Variants in FAT3 observed in about 807,000 individuals in gnomAD.
The protein encoded by FAT3 is protocadherin Fat 3.
Under a neutral mutation model 310.2 loss-of-function variants are expected in FAT3, and 95 were observed. The observed-to-expected ratio is 0.31, with a 90% confidence interval of 0.26 to 0.36. FAT3 has a LOEUF of 0.36. Among genes scored for constraint, FAT3 ranks in the 10% least tolerant of loss-of-function variants. The pLI is 1.00. For missense variants in FAT3, 5,408 were observed against 5,715.6 expected (o/e 0.95, Z 1.74); for synonymous variants, 2,314 against 2,192.9 (o/e 1.06, Z -1.54).
intron 13 of FAT3, among the ~76,000 whole-genome samples, chr11:92,812,054 G>A (rs143739970): frequency 1.1e-3 from 175 of 152,286 alleles, no homozygotes; most frequent in African/African-American, 3.9e-3. Flanking sequence ...AGTCTGAGCT[G>A]CAATCAAATG....
At chr11:92,250,942 G>A (rs1180210677) in intron 1 of FAT3, among the ~76,000 whole-genome samples, 3 of 152,094 alleles carry the variant, frequency 2.0e-5, no homozygotes, top group South Asian at 2.1e-4. Flanking sequence ...AATGACATCC[G>A]CTCTTACAAT....
chr11:92,566,268 A>C (rs939155832), intron 3 of FAT3, among the ~76,000 whole-genome samples: 2 of 152,210 alleles, frequency 1.3e-5, no homozygotes, highest in African/African-American at 4.8e-5. Flanking sequence ...CTAAATCATG[A>C]GTGAACTCCC....
At chr11:92,317,139 CTGAA>C (rs552801390) in intron 1 of FAT3, among the ~76,000 whole-genome samples, 4 of 152,210 alleles carry the variant, frequency 2.6e-5, no homozygotes, top group African/African-American at 7.2e-5. Context: ...AAAGGAAAGA[CTGAA>C]TGAATGAATG....
chr11:92,436,413 A>G (rs190128000), intron 2 of FAT3, among the ~76,000 whole-genome samples: 7 of 152,116 alleles, frequency 4.6e-5, no homozygotes, highest in Non-Finnish European at 7.4e-5. Flanking sequence ...AAATGCTGGG[A>G]TTACAGGCGT....
intron 3 of FAT3, among the ~76,000 whole-genome samples, chr11:92,564,479 G>A (rs10830928): frequency 0.39 from 57,477 of 149,020 alleles, 11,717 homozygotes; most frequent in Middle Eastern, 0.52. Context: ...ACAGATCAAC[G>A]AGACAGAAAG....
chr11:92,813,648 C>T (rs922185350), intron 13 of FAT3, among the ~76,000 whole-genome samples: 8 of 152,188 alleles, frequency 5.3e-5, no homozygotes, highest in Non-Finnish European at 1.2e-4. Context: ...TTCAAAAATG[C>T]TATTTAAGTT....
chr11:92,887,053 G>A lies in FAT3; in HGVS notation c.12991G>A (p.Gly4331Ser). The change falls in exon 25 of 28, where the codon GGC becomes AGC. Residue 4331 changes from glycine (G) to serine (S), a missense_variant. Physicochemically the swap from Gly to Ser is moderately conservative, Grantham distance 56. Coordinates refer to ENST00000525166, the MANE Select transcript of FAT3 (RefSeq NM_001367949.2). ...EVTCFAGSNK[G>S]SNSEVQSLSS... ...GACCTGCTTTGCAGGTAGTAATAAA[G>A]GCAGCAACTCTGAAGTTCAGTCCCT... 1 of 1,611,734 alleles carries A rather than the reference G, an allele frequency of 6.2e-7. No individual in the cohort carries two copies. Among genetic ancestry groups the A allele is most frequent in the Non-Finnish European group, 8.5e-7 (1 of 1,179,182 alleles).
chr11:92,624,069 C>T (rs979272457), intron 3 of FAT3, among the ~76,000 whole-genome samples: 5 of 152,188 alleles, frequency 3.3e-5, no homozygotes, highest in Non-Finnish European at 7.3e-5. Flanking sequence ...ATGACCTCTG[C>T]TCCCAGGGAA....
chr11:92,774,004 C>T (rs200521918), intron 6 of FAT3, 37 bp from the exon 7 acceptor site: 60 of 1,607,422 alleles, frequency 3.7e-5, no homozygotes, highest in Non-Finnish European at 4.7e-5. Context: ...AACAAGTTAT[C>T]AGATTTGCTA....
chr11:92,584,463 AT>A (rs1225550057), intron 3 of FAT3, among the ~76,000 whole-genome samples: 4 of 146,102 alleles, frequency 2.7e-5, no homozygotes, highest in Admixed American at 2.0e-4. Context: ...AAAGAAAAAT[AT>A]TTGACAGCTT....
intron 1 of FAT3, among the ~76,000 whole-genome samples, chr11:92,261,372 T>G (rs577947304): frequency 3.6e-4 from 55 of 152,196 alleles, no homozygotes; most frequent in African/African-American, 1.2e-3. Flanking sequence ...CTGACATGCA[T>G]TGTTTGTAGA....
chr11:92,387,403 G>A (rs1240225372), intron 2 of FAT3, among the ~76,000 whole-genome samples: 2 of 152,104 alleles, frequency 1.3e-5, no homozygotes, highest in South Asian at 2.1e-4. Context: ...CAAAATCTGT[G>A]TGTGTTGCAG....
At chr11:92,229,299 C>A (rs1362912961) in intron 1 of FAT3, among the ~76,000 whole-genome samples, 2 of 151,950 alleles carry the variant, frequency 1.3e-5, no homozygotes, top group African/African-American at 2.4e-5. Context: ...TTTAATATAT[C>A]CTGACCTCTT....
At position 92,804,679 on chromosome 11, in the gene FAT3, C is replaced by T. The variant is rs748670261; in HGVS notation, c.8897-474C>T. Among the ~76,000 whole-genome samples, 6 of 152,140 alleles carry T rather than the reference C, an allele frequency of 3.9e-5. No individual in the cohort carries two copies. The East Asian group carries it at 5.8e-4, about 15-fold the overall frequency. ...CAAACTCCAGTTCTTATGAGAAGAG[C>T]GCAGCTGTATGATAAAGGCTTCATT... On this transcript the variant is annotated intron_variant, in intron 10 of 27. Transcript: ENST00000525166.
rs771982592 is a variant in FAT3 at position 92,843,986 on chromosome 11, G to C, written c.10619G>C (p.Arg3540Pro). Residue 3540 changes from arginine to proline, a missense_variant, in exon 19 of 28, where the codon CGA becomes CCA. Physicochemically the swap from Arg to Pro is moderately radical, Grantham distance 103. Coordinates refer to ENST00000525166, the MANE Select transcript of FAT3 (RefSeq NM_001367949.2). The stretch of plus-strand genomic sequence containing the variant: ...GTTTCTCACACTTACATCCGCGTGC[G>C]AGTCATTGAGGAAAGCACCCACAAG... ...QQVSHTYIRV[R>P]VIEESTHKPT... 2.8e-5 allele frequency: 45 copies of C among 1,613,520 alleles called. No individual in the cohort carries two copies. The highest frequency in any genetic ancestry group is 3.6e-5 in the Non-Finnish European group (43 of 1,179,688).
intron 3 of FAT3, among the ~76,000 whole-genome samples, chr11:92,638,743 T>A (rs1478362886): frequency 6.6e-6 from 1 of 152,066 alleles, no homozygotes; most frequent in Non-Finnish European, 1.5e-5. Context: ...CGTGAAGGAG[T>A]ATGTGAAACT....
At chr11:92,492,655 C>G (rs1413894268) in intron 2 of FAT3, among the ~76,000 whole-genome samples, 1 of 152,038 alleles carries the variant, frequency 6.6e-6, no homozygotes, top group Non-Finnish European at 1.5e-5. Flanking sequence ...AGCTTCCCCT[C>G]TCCAGCCCAA....
At chr11:92,889,331 G>A in intron 26 of FAT3, 83 bp downstream of exon 26, 1 of 584,764 alleles carries the variant, frequency 1.7e-6, no homozygotes, top group Non-Finnish European at 3.2e-6. Context: ...TAATGGATTG[G>A]CCACAGAGGG....
At chr11:92,631,920 C>T (rs910030048) in intron 3 of FAT3, among the ~76,000 whole-genome samples, 3 of 152,098 alleles carry the variant, frequency 2.0e-5, no homozygotes, top group African/African-American at 7.2e-5. Context: ...TCTATGTCTC[C>T]CTCTGTAAAG....
Sources: allele counts gnomAD v4.1 joint callset (sites outside exome capture counted in the v4.1 genomes callset), GRCh38; gene constraint gnomAD v4.1.1; transcripts MANE v1.5; gene names NCBI Gene and HGNC (gene_info 2026-07-23, HGNC 2026-07-21).